Variants in CEP112 observed in about 807,000 individuals in gnomAD.
CEP112 encodes centrosomal protein of 112 kDa.
A neutral mutation model predicts 153.0 loss-of-function variants in CEP112; 127 were observed. The ratio of observed to expected loss-of-function variants is 0.83; its 90% CI spans 0.72 to 0.96. The LOEUF is 0.96. CEP112 is among the 40% of genes least tolerant of loss of function. The probability of loss-of-function intolerance (pLI) is 0.00; values close to 1 mark genes in which losing one functional copy is unlikely to be tolerated. For synonymous variants in CEP112, 358 were observed against 374.4 expected, an observed-to-expected ratio of 0.96 and a Z score of 0.51; for missense variants, 1,089 against 1,101.2, an observed-to-expected ratio of 0.99 and a Z score of 0.16.
At chr17:65,676,722 A>C (rs1014373873) in intron 24 of CEP112, among the ~76,000 whole-genome samples, 2 of 152,256 alleles carry the variant, frequency 1.3e-5, no homozygotes, top group African/African-American at 4.8e-5. Flanking sequence ...AGCTTCATTC[A>C]GTTACCATGG....
At chr17:65,992,882 T>A (rs981142388) in intron 17 of CEP112, among the ~76,000 whole-genome samples, 2 of 152,336 alleles carry the variant, frequency 1.3e-5, no homozygotes, top group Non-Finnish European at 2.9e-5. Context: ...TTCAAGCTCC[T>A]GGGTAAACTG....
At chr17:66,021,373 A>T (rs2064992995) in intron 16 of CEP112, among the ~76,000 whole-genome samples, 1 of 152,192 alleles carries the variant, frequency 6.6e-6, no homozygotes, top group African/African-American at 2.4e-5. Context: ...TGTGGGTGCT[A>T]GAATTGGGAT....
At chr17:66,137,501 T>C (rs1051906169) in intron 4 of CEP112, among the ~76,000 whole-genome samples, 12 of 152,040 alleles carry the variant, frequency 7.9e-5, no homozygotes, top group African/African-American at 2.9e-4. Flanking sequence ...TGTAAAGAGA[T>C]CTACACCAGG....
chr17:65,958,344 A>G (rs1204971733), intron 18 of CEP112, among the ~76,000 whole-genome samples: 3 of 152,202 alleles, frequency 2.0e-5, no homozygotes, highest in Non-Finnish European at 4.4e-5. Flanking sequence ...CTGCATGCAT[A>G]TTACATACAT....
chr17:66,121,045 G>A (rs747655121), intron 6 of CEP112, among the ~76,000 whole-genome samples: 3 of 152,114 alleles, frequency 2.0e-5, no homozygotes, highest in Admixed American at 6.6e-5. Flanking sequence ...TTGGGAGGCC[G>A]AGGCGGGCGG....
intron 8 of CEP112, among the ~76,000 whole-genome samples, chr17:66,090,820 AC>A (rs2068104950): frequency 6.6e-6 from 1 of 152,090 alleles, no homozygotes; most frequent in East Asian, 1.9e-4. Flanking sequence ...TTAAGAACCT[AC>A]ATAGACTGAA....
intron 20 of CEP112, among the ~76,000 whole-genome samples, chr17:65,865,402 G>A (rs1047860558): frequency 6.6e-6 from 1 of 152,176 alleles, no homozygotes; most frequent in Non-Finnish European, 1.5e-5. Context: ...CTAGCTTAGG[G>A]TAAGTATCAT....
intron 19 of CEP112, among the ~76,000 whole-genome samples, chr17:65,906,247 T>G (rs959254454): frequency 4.2e-5 from 5 of 117,710 alleles, no homozygotes; most frequent in African/African-American, 1.7e-4. Flanking sequence ...GAGGGGAACA[T>G]CACACACAGG....
rs79725512 is a variant in CEP112, at chr17:65,963,916, T to C, written c.1737-2318A>G. On this transcript the variant is annotated intron_variant, in intron 17 of 26. Coordinates refer to ENST00000535342, the MANE Select transcript of CEP112 (RefSeq NM_001199165.4). ...ATCCCATGATAAACAAAACAGTTTT[T>C]CCACTAAATCCCTGTTCCTTTATGT... Among the ~76,000 whole-genome samples, 1,098 of 152,328 alleles carry C rather than the reference T, an allele frequency of 7.2e-3. 12 individuals are homozygous for C. Among genetic ancestry groups the C allele is most frequent in the African/African-American group, 0.025 (1,046 of 41,562 alleles).
intron 6 of CEP112, among the ~76,000 whole-genome samples, chr17:66,117,295 G>A (rs1185165341): frequency 6.6e-6 from 1 of 152,050 alleles, no homozygotes; most frequent in Non-Finnish European, 1.5e-5. Context: ...TAGTCACTCT[G>A]ATAGGCTTCA....
chr17:66,122,962 C>T (rs953700211), intron 6 of CEP112, among the ~76,000 whole-genome samples: 14 of 152,214 alleles, frequency 9.2e-5, no homozygotes, highest in African/African-American at 2.4e-4. Flanking sequence ...AACTTCCCAA[C>T]ACTGTTTCCA....
chr17:65,661,178 C>T (rs1433306163), intron 24 of CEP112, among the ~76,000 whole-genome samples: 3 of 152,100 alleles, frequency 2.0e-5, no homozygotes, highest in South Asian at 2.1e-4. Context: ...TGCTCCTCTG[C>T]GCCCTTCCTT....
intron 20 of CEP112, among the ~76,000 whole-genome samples, chr17:65,888,913 C>G (rs1285253010): frequency 6.6e-6 from 1 of 152,176 alleles, no homozygotes; most frequent in South Asian, 2.1e-4. Context: ...AAACTCTTGG[C>G]TCTTAGATAG....
chr17:65,780,878 C>T (rs186070560), intron 21 of CEP112, among the ~76,000 whole-genome samples: 1 of 152,030 alleles, frequency 6.6e-6, no homozygotes, highest in Admixed American at 6.6e-5. Flanking sequence ...GCATTAGATG[C>T]CCCAATTTGG....
At chr17:66,039,305 A>C (rs1013960) in intron 12 of CEP112, among the ~76,000 whole-genome samples, 78,185 of 151,852 alleles carry the variant, frequency 0.51, 21,049 homozygotes, top group African/African-American at 0.59. Context: ...ATACAAACTT[A>C]ATTCGAAACC....
chr17:66,041,894 A>G (rs981190741), intron 12 of CEP112, among the ~76,000 whole-genome samples: 1 of 152,234 alleles, frequency 6.6e-6, no homozygotes, highest in Non-Finnish European at 1.5e-5. Flanking sequence ...GCAGGGAGTA[A>G]AACTCCCTAC....
chr17:65,866,514 G>A (rs2058491648), intron 20 of CEP112, among the ~76,000 whole-genome samples: 1 of 152,212 alleles, frequency 6.6e-6, no homozygotes, highest in Non-Finnish European at 1.5e-5. Context: ...CTGAAGCCTG[G>A]GAGCTGGGCT....
rs115932049 is a variant in CEP112 at position 66,130,034 on chromosome 17, C to A, written c.565-211G>T. 0.011 allele frequency among the ~76,000 whole-genome samples: 1,667 copies of A among 151,184 alleles called. 10 individuals are homozygous for A. Among genetic ancestry groups the A allele is most frequent in the African/African-American group, 0.013 (540 of 41,212 alleles). Reference sequence around the variant, plus strand: ...AGAAAAAGAAGAGAAAGAAGTGGGACGGGAGGGAGAAAAAAAGAACAAAAT... The same window carrying A: ...AGAAAAAGAAGAGAAAGAAGTGGGAAGGGAGGGAGAAAAAAAGAACAAAAT... On this transcript the variant is annotated intron_variant, in intron 5 of 26. Transcript: ENST00000535342.
At chr17:65,961,700 T>C in intron 17 of CEP112, 102 bp from the exon 18 acceptor site, 1 of 1,112,256 alleles carries the variant, frequency 9.0e-7, no homozygotes, top group South Asian at 2.1e-5. Context: ...CAGATTTTAA[T>C]TTTTTTGATC....
Sources: gnomAD v4.1 joint callset for allele counts (sites outside exome capture counted in the v4.1 genomes callset) on GRCh38, gnomAD v4.1.1 for gene constraint, MANE v1.5 for transcripts, NCBI Gene and HGNC (gene_info 2026-07-23, HGNC 2026-07-21) for gene names.